Variants in ESRRG observed in about 807,000 individuals in gnomAD.
The protein encoded by ESRRG is estrogen-related receptor gamma.
Under a neutral mutation model 44.0 loss-of-function variants are expected in ESRRG, and 13 were observed. The observed-to-expected ratio is 0.30, with a 90% CI of 0.19 to 0.47. The LOEUF is 0.47. ESRRG is among the 20% of genes least tolerant of loss of function. The pLI is 1.00. For synonymous variants in ESRRG, 215 were observed against 214.6 expected (o/e 1.00, Z -0.02); for missense variants, 395 against 580.6 (o/e 0.68, Z 3.29).
chr1:217,027,810 A>G (rs1290296283), intron 1 of ESRRG, among the ~76,000 whole-genome samples: 1 of 152,174 alleles, frequency 6.6e-6, no homozygotes, highest in Non-Finnish European at 1.5e-5. Context: ...AAAGTAGACA[A>G]ATAACAATGC....
chr1:216,520,457 T>A (rs1290008432), intron 5 of ESRRG, among the ~76,000 whole-genome samples: 1 of 151,858 alleles, frequency 6.6e-6, no homozygotes, highest in Non-Finnish European at 1.5e-5. Context: ...TGCAAAAAAA[T>A]TAAAAAGAAA....
At chr1:216,688,177 C>A (rs530052384) in intron 1 of ESRRG, among the ~76,000 whole-genome samples, 2 of 152,136 alleles carry the variant, frequency 1.3e-5, no homozygotes, top group South Asian at 2.1e-4. Context: ...AGAAAGCAGG[C>A]GAGCCTGCTT....
intron 1 of ESRRG, among the ~76,000 whole-genome samples, chr1:217,019,001 C>A (rs963201776): frequency 6.6e-6 from 1 of 152,168 alleles, no homozygotes; most frequent in African/African-American, 2.4e-5. Context: ...AATAAAAGTG[C>A]TTCCTATAAC....
intron 3 of ESRRG, among the ~76,000 whole-genome samples, chr1:216,573,650 T>C (rs1016219803): frequency 2.6e-5 from 4 of 151,900 alleles, no homozygotes; most frequent in Non-Finnish European, 4.4e-5. Context: ...GTTTGAGTGA[T>C]TTATAGAAAT....
chr1:216,564,725 G>C (rs1245616569), intron 4 of ESRRG, among the ~76,000 whole-genome samples: 1 of 152,076 alleles, frequency 6.6e-6, no homozygotes, highest in Non-Finnish European at 1.5e-5. Context: ...GTGGGATTTG[G>C]TGAAGTAGAT....
intron 1 of ESRRG, among the ~76,000 whole-genome samples, chr1:216,989,243 T>C (rs889643438): frequency 1.3e-5 from 2 of 151,784 alleles, no homozygotes; most frequent in Non-Finnish European, 2.9e-5. Flanking sequence ...GCCCCAGAGA[T>C]TAAGACTAGC....
At chr1:216,572,034 C>A (rs2060900094) in intron 3 of ESRRG, among the ~76,000 whole-genome samples, 1 of 152,122 alleles carries the variant, frequency 6.6e-6, no homozygotes, top group African/African-American at 2.4e-5. Flanking sequence ...ATTTCCAACT[C>A]CAACTTTTTC....
At chr1:216,713,767 G>T (rs1186501148) in intron 1 of ESRRG, among the ~76,000 whole-genome samples, 1 of 152,008 alleles carries the variant, frequency 6.6e-6, no homozygotes, top group Admixed American at 6.6e-5. Flanking sequence ...TAACTTGAAT[G>T]AAAAAAGGCA....
intron 1 of ESRRG, among the ~76,000 whole-genome samples, chr1:216,957,500 C>T (rs1157421626): frequency 1.3e-5 from 2 of 152,110 alleles, no homozygotes; most frequent in Non-Finnish European, 1.5e-5. Context: ...CAATATTTTA[C>T]GTCTTGTGGT....
intron 2 of ESRRG, among the ~76,000 whole-genome samples, chr1:216,651,456 T>G (rs2068928346): frequency 6.6e-6 from 1 of 152,220 alleles, no homozygotes. Context: ...TCTTGGATTG[T>G]CAATCCTGGA....
Position 216,771,059 on chromosome 1 carries a change from CA to C in ESRRG, c.-13-93569del, listed in dbSNP as rs1421904728. On this transcript the variant is annotated intron_variant, in intron 2 of 7. Coordinates refer to the ESRRG transcript ENST00000359162. Reference sequence around the variant, plus strand: ...CTTGCTATGTTGCCCAGGCTGTCCTCAAACTCCTGGGCTCAAGGGATCCTCC... The same window carrying C: ...CTTGCTATGTTGCCCAGGCTGTCCTCAACTCCTGGGCTCAAGGGATCCTCC... 3.3e-5 allele frequency among the ~76,000 whole-genome samples: 5 copies of C among 152,236 alleles called. No homozygotes were observed. The East Asian group carries it at 9.7e-4, about 29-fold the overall frequency.
At chr1:216,954,368 T>C (rs1021688861) in intron 1 of ESRRG, among the ~76,000 whole-genome samples, 37 of 152,170 alleles carry the variant, frequency 2.4e-4, no homozygotes, top group African/African-American at 8.0e-4. Context: ...AAGAACTCCC[T>C]GTCCCTGCAT....
intron 2 of ESRRG, among the ~76,000 whole-genome samples, chr1:216,813,939 G>A (rs892360115): frequency 3.9e-5 from 6 of 152,112 alleles, no homozygotes; most frequent in Non-Finnish European, 8.8e-5. Flanking sequence ...CTCTGCTGTG[G>A]CATCTGATTC....
intron 1 of ESRRG, among the ~76,000 whole-genome samples, chr1:216,977,814 A>T (rs1025480936): frequency 6.6e-6 from 1 of 152,148 alleles, no homozygotes; most frequent in Non-Finnish European, 1.5e-5. Flanking sequence ...TGATCAGGCC[A>T]TGGGTGACCG....
chr1:217,053,418 G>C (rs1036001453), intron 1 of ESRRG, among the ~76,000 whole-genome samples: 11 of 149,272 alleles, frequency 7.4e-5, no homozygotes, highest in Admixed American at 2.0e-4. Flanking sequence ...TTGCGCCACT[G>C]CACTCCAGCC....
intron 1 of ESRRG, among the ~76,000 whole-genome samples, chr1:217,017,415 C>T (rs2079559492): frequency 7.3e-6 from 1 of 137,074 alleles, no homozygotes; most frequent in South Asian, 2.4e-4. Context: ...ACATCAGACA[C>T]AACTGAATCT....
At chr1:216,803,373 A>G (rs1208948276) in intron 2 of ESRRG, among the ~76,000 whole-genome samples, 2 of 152,168 alleles carry the variant, frequency 1.3e-5, no homozygotes, top group African/African-American at 4.8e-5. Flanking sequence ...ACAAAGGCTC[A>G]GTAGTGTTCA....
intron 2 of ESRRG, among the ~76,000 whole-genome samples, chr1:216,786,133 T>C (rs573781714): frequency 6.6e-6 from 1 of 152,082 alleles, no homozygotes; most frequent in Non-Finnish European, 1.5e-5. Context: ...TCACAGTTTT[T>C]AAAATGGGAT....
At chr1:216,728,022 T>C (rs1467217922), upstream of ESRRG, among the ~76,000 whole-genome samples, 1 of 152,182 alleles carries the variant, frequency 6.6e-6, no homozygotes, top group Non-Finnish European at 1.5e-5. Flanking sequence ...GAAATGTCAG[T>C]AAAAATTAAA....
Sources: gnomAD v4.1 joint callset for allele counts (sites outside exome capture counted in the v4.1 genomes callset) on GRCh38, gnomAD v4.1.1 for gene constraint, MANE v1.5 for transcripts, NCBI Gene and HGNC (gene_info 2026-07-23, HGNC 2026-07-21) for gene names.